The following HSPH1 variants were observed in gnomAD, a reference collection of about 807,000 sequenced individuals.
HSPH1 encodes the protein heat shock protein family H (Hsp110) member 1.
Under a neutral mutation model 100.0 loss-of-function variants are expected in HSPH1, and 40 were observed. That is an observed-to-expected ratio of 0.40 (90% confidence interval 0.31 to 0.52). The LOEUF is 0.52. Ranked by LOEUF, HSPH1 falls within the 20% of genes least tolerant of loss-of-function variation. The pLI, the probability that HSPH1 is intolerant of heterozygous loss-of-function variation, is 0.54. For synonymous variants in HSPH1, 403 were observed against 344.0 expected (o/e 1.17, Z -1.90); for missense variants, 876 against 1,015.1 (o/e 0.86, Z 1.86).
At chr13:31,143,522 C>T (rs1171925514) in intron 12 of HSPH1, among the ~76,000 whole-genome samples, 5 of 152,052 alleles carry the variant, frequency 3.3e-5, no homozygotes, top group African/African-American at 9.7e-5. Context: ...TGAAAGACAA[C>T]GAACAGTATA....
intron 10 of HSPH1, among the ~76,000 whole-genome samples, chr13:31,146,362 T>A (rs1377038388): frequency 6.6e-6 from 1 of 152,164 alleles, no homozygotes; most frequent in African/African-American, 2.4e-5. Flanking sequence ...TTATAACTAT[T>A]TTAACACTAG....
chr13:31,139,653 A>T (rs951541850), intron 14 of HSPH1, among the ~76,000 whole-genome samples: 4 of 152,044 alleles, frequency 2.6e-5, no homozygotes, highest in Admixed American at 2.0e-4. Flanking sequence ...ACTTTAAATG[A>T]CCCGTAACTA....
At chr13:31,148,634 A>G (rs992666234) in intron 8 of HSPH1, among the ~76,000 whole-genome samples, 154 bp from the exon 9 acceptor site, 4 of 151,948 alleles carry the variant, frequency 2.6e-5, no homozygotes, top group African/African-American at 7.2e-5. Context: ...TCATCTAAAC[A>G]AAGAATTTAT....
rs143612495 is a variant in HSPH1, at chr13:31,155,337, T to G, written c.306+177A>C. 2.8e-3 allele frequency among the ~76,000 whole-genome samples: 421 copies of G among 152,316 alleles called. 1 individual carries two copies. The highest frequency in any genetic ancestry group is 8.4e-3 in the African/African-American group (349 of 41,570). On this transcript the variant is annotated intron_variant, in intron 3 of 17. Transcript: ENST00000320027. ...AAGTTATAGCATATATATTACCATT[T>G]GAATAATATTCAAAGACAATTTAGC...
Position 31,148,100 on chromosome 13 carries a change from G to A in HSPH1, c.1245-8C>T. ...CTAAAGACTTCATGAACACTAGAGA[G>A]AAAAGAAAAAGGCATTCAGCAGATG... On this transcript the variant is annotated splice_region_variant and splice_polypyrimidine_tract_variant and intron_variant, in intron 9 of 17. Coordinates refer to ENST00000320027, the MANE Select transcript of HSPH1 (RefSeq NM_006644.4). 1.3e-6 allele frequency: 2 copies of A among 1,599,470 alleles called. No individual in the cohort carries two copies. Among genetic ancestry groups the A allele is most frequent in the Admixed American group, 1.8e-5 (1 of 55,912 alleles).
At position 31,143,911 on chromosome 13, in the gene HSPH1, G is replaced by C; in HGVS notation, c.1597C>G (p.Gln533Glu). ...TGTGTTCCAGCTTCACTGTTGTCTT[G>C]CTGGACATTTTTCTGAAATGAAAGC... ...ENPDTDKNVQ[Q>E]DNSEAGTQPQ... Residue 533 changes from glutamine (Q) to glutamate (E), a missense_variant, in exon 12 of 18, where the codon CAA becomes GAA. Physicochemically the swap from Gln to Glu is conservative, Grantham distance 29. Transcript: ENST00000320027. 1 of 1,599,350 alleles carries C rather than the reference G, an allele frequency of 6.3e-7. No homozygotes were observed.
chr13:31,149,860 G>A (rs1433351457), intron 8 of HSPH1, 94 bp downstream of exon 8: 9 of 967,810 alleles, frequency 9.3e-6, no homozygotes, highest in Non-Finnish European at 1.5e-5. Flanking sequence ...CTGCTACCTA[G>A]ACACAGGTCT....
rs1309561237 is a variant in HSPH1, at chr13:31,137,206, T to G, written c.*112A>C. The G allele has an allele frequency of 1.3e-5, 10 of 770,736 alleles. No homozygotes were observed. In the Admixed American group the frequency reaches 2.4e-4, roughly 18 times the overall value. 47.7% of individuals were successfully genotyped at this position (770,736 alleles called of 1,614,324 possible). On this transcript the variant is annotated 3_prime_UTR_variant, in exon 18 of 18. Coordinates refer to ENST00000320027, the MANE Select transcript of HSPH1 (RefSeq NM_006644.4). Reference sequence around the variant, plus strand: ...TCTTTTTCCATATAATACACAAAATTTCTAAATATCCTTAAAAAAGAAAAT... The same window carrying G: ...TCTTTTTCCATATAATACACAAAATGTCTAAATATCCTTAAAAAAGAAAAT...
rs1200719726 is a variant in HSPH1 at position 31,161,900 on chromosome 13, G to A, written c.-318C>T. 4 of 1,500,984 alleles carry A rather than the reference G, an allele frequency of 2.7e-6. No homozygotes were observed. The highest frequency in any genetic ancestry group is 3.6e-6 in the Non-Finnish European group (4 of 1,125,908). 93.0% of individuals were successfully genotyped at this position (1,500,984 alleles called of 1,614,324 possible). A position where few individuals can be genotyped will look rare whatever the true frequency, so the allele number is the denominator to read the frequency against. ...ACACCGGCGCCGGCGCTGAACTACCGACCCAAAAGGGGAGGTCCCACTTCC... is the reference window on the plus strand; with the variant it reads ...ACACCGGCGCCGGCGCTGAACTACCAACCCAAAAGGGGAGGTCCCACTTCC... On this transcript the variant is annotated 5_prime_UTR_variant, in exon 1 of 18. Transcript: ENST00000320027.
Position 31,161,602 on chromosome 13 carries a change from T to G in HSPH1, c.-20A>C, listed in dbSNP as rs1956916472. ...CGACATGGCCGGCTCGCGGTCCGCC[T>G]CCGCCTCGGGTCTCGGTCTGCGTCC... On this transcript the variant is annotated 5_prime_UTR_variant, in exon 1 of 18. Coordinates refer to ENST00000320027, the MANE Select transcript of HSPH1 (RefSeq NM_006644.4). 6.2e-7 allele frequency: 1 copy of G among 1,610,606 alleles called. No homozygotes were observed. Among genetic ancestry groups the G allele is most frequent in the East Asian group, 2.2e-5 (1 of 44,830 alleles).
At chr13:31,152,520 C>A in intron 5 of HSPH1, 3 of 228,528 alleles carry the variant, frequency 1.3e-5, no homozygotes, top group South Asian at 6.3e-5. Context: ...TACTTATAAG[C>A]CAAGGTAGTT....
chr13:31,160,676 C>T (rs1956865498), intron 1 of HSPH1, among the ~76,000 whole-genome samples: 1 of 152,198 alleles, frequency 6.6e-6, no homozygotes, highest in Non-Finnish European at 1.5e-5. Flanking sequence ...CATCCATCCT[C>T]TTTTGGCGTC....
In HSPH1 at chr13:31,135,254, GAC is replaced by G. The variant is rs1167617184; in HGVS notation, c.*2062_*2063del. ...CTCCCGTCATCAGGTTCTATTTTAG[GAC>G]AGGAGGAAAAACATGTTTTCCCATT... On this transcript the variant is annotated 3_prime_UTR_variant, in exon 18 of 18. Coordinates refer to ENST00000320027, the MANE Select transcript of HSPH1 (RefSeq NM_006644.4). 3 of 152,012 alleles carry G rather than the reference GAC, an allele frequency of 2.0e-5. No individual in the cohort carries two copies. The highest frequency in any genetic ancestry group is 6.5e-5 in the Admixed American group (1 of 15,272). 9.4% of individuals were successfully genotyped at this position (152,012 alleles called of 1,614,324 possible). A position where few individuals can be genotyped will look rare whatever the true frequency, so the allele number is the denominator to read the frequency against.
chr13:31,138,380 C>A, intron 17 of HSPH1, 27 bp downstream of exon 17: 1 of 1,605,862 alleles, frequency 6.2e-7, no homozygotes, highest in Non-Finnish European at 8.5e-7. Flanking sequence ...GTGAACCCAG[C>A]AGTAAACACG....
chr13:31,138,116 G>A (rs528140569), intron 17 of HSPH1, among the ~76,000 whole-genome samples: 177 of 152,058 alleles, frequency 1.2e-3, no homozygotes, highest in African/African-American at 4.1e-3. Context: ...AGTTCCATAA[G>A]GGCAGAGACT....
Position 31,161,761 on chromosome 13 carries a change from C to G in HSPH1, c.-179G>C, listed in dbSNP as rs879206677. 3.9e-6 allele frequency: 6 copies of G among 1,525,696 alleles called. No homozygotes were observed. In the South Asian group the frequency reaches 4.8e-5, roughly 12 times the overall value. 94.5% of individuals were successfully genotyped at this position (1,525,696 alleles called of 1,614,324 possible). On this transcript the variant is annotated 5_prime_UTR_variant, in exon 1 of 18. Coordinates refer to ENST00000320027, the MANE Select transcript of HSPH1 (RefSeq NM_006644.4). ...GCCGCGGCCTGTCAGGAGCCTCCTACTCCCCCGGGGACAGCGGCGGCTGGC... is the reference window on the plus strand; with the variant it reads ...GCCGCGGCCTGTCAGGAGCCTCCTAGTCCCCCGGGGACAGCGGCGGCTGGC...
At chr13:31,143,761 T>A (rs1956178923) in intron 12 of HSPH1, 31 bp downstream of exon 12, 1 of 1,577,354 alleles carries the variant, frequency 6.3e-7, no homozygotes, top group Non-Finnish European at 8.6e-7. Flanking sequence ...TGCAACATTG[T>A]CTAATGGAAT....
At chr13:31,151,892 C>G (rs1322000094) in intron 5 of HSPH1, 150 bp from the exon 6 acceptor site, 2 of 610,344 alleles carry the variant, frequency 3.3e-6, no homozygotes, top group African/African-American at 3.8e-5. Flanking sequence ...TGACTTCACA[C>G]TGATTTTCTT....
At chr13:31,144,967 T>C (rs971200129) in intron 11 of HSPH1, among the ~76,000 whole-genome samples, 1 of 152,176 alleles carries the variant, frequency 6.6e-6, no homozygotes, top group Non-Finnish European at 1.5e-5. Context: ...TTTCTAGTTA[T>C]TCCCTAGAAA....
Sources: allele counts gnomAD v4.1 joint callset (sites outside exome capture counted in the v4.1 genomes callset), GRCh38; gene constraint gnomAD v4.1.1; transcripts MANE v1.5; gene names NCBI Gene and HGNC (gene_info 2026-07-23, HGNC 2026-07-21).